Variants in ZNF385D observed in about 807,000 individuals in gnomAD.
ZNF385D encodes the protein zinc finger protein 659.
ZNF385D carries 15 observed loss-of-function variants against 35.8 expected under a neutral mutation model. The observed-to-expected ratio is 0.42, with a 90% CI of 0.28 to 0.64. ZNF385D has a LOEUF of 0.64. ZNF385D is among the 30% of genes least tolerant of loss of function. The pLI is 0.23. For missense variants in ZNF385D, 474 were observed against 494.6 expected, an observed-to-expected ratio of 0.96 and a Z score of 0.39; for synonymous variants, 212 against 186.8, an observed-to-expected ratio of 1.13 and a Z score of -1.10.
rs73819942 is a variant in ZNF385D at position 21,668,732 on chromosome 3, A to G, written c.23-3704T>C. Among the ~76,000 whole-genome samples the G allele has an allele frequency of 5.1e-3, 782 of 152,340 alleles. 3 individuals carry two copies. The highest frequency in any genetic ancestry group is 0.018 in the African/African-American group (751 of 41,574). On this transcript the variant is annotated intron_variant, in intron 1 of 7. Transcript: ENST00000281523. ...TCTGTACTTGCTCAGCAACAAGAAT[A>G]CTATTTGCAAATAGTGCAAAATCAA...
chr3:21,600,178 C>A (rs1346605067), intron 2 of ZNF385D, among the ~76,000 whole-genome samples: 2 of 152,078 alleles, frequency 1.3e-5, no homozygotes, highest in Non-Finnish European at 2.9e-5. Context: ...AAGAAATAAC[C>A]ATAAAAATGG....
At chr3:21,808,317 G>A (rs537103263) in intron 3 of ZNF385D, among the ~76,000 whole-genome samples, 1 of 152,308 alleles carries the variant, frequency 6.6e-6, no homozygotes, top group African/African-American at 2.4e-5. Context: ...AAAGAGACCT[G>A]TAGTATAACA....
intron 3 of ZNF385D, among the ~76,000 whole-genome samples, chr3:22,116,721 T>C (rs552966604): frequency 7.7e-4 from 117 of 152,176 alleles, no homozygotes; most frequent in African/African-American, 2.8e-3. Flanking sequence ...ACCTTAAATG[T>C]AATGCAAAAT....
chr3:22,103,325 AAC>A (rs1474583884), intron 3 of ZNF385D, among the ~76,000 whole-genome samples: 1 of 151,994 alleles, frequency 6.6e-6, no homozygotes, highest in Non-Finnish European at 1.5e-5. Flanking sequence ...TTTTGCCTGA[AAC>A]ACAGTAATTT....
chr3:21,816,883 C>T (rs879198474), intron 3 of ZNF385D, among the ~76,000 whole-genome samples: 1 of 152,162 alleles, frequency 6.6e-6, no homozygotes, highest in Non-Finnish European at 1.5e-5. Flanking sequence ...CAAGACAATC[C>T]TAAGCCAAAA....
chr3:21,699,558 A>T (rs1372537032), intron 1 of ZNF385D, among the ~76,000 whole-genome samples: 1 of 152,178 alleles, frequency 6.6e-6, no homozygotes, highest in Non-Finnish European at 1.5e-5. Flanking sequence ...AGTGAGATGC[A>T]TTCTACATGT....
intron 1 of ZNF385D, among the ~76,000 whole-genome samples, chr3:21,736,479 C>T (rs951764325): frequency 8.5e-5 from 13 of 152,088 alleles, no homozygotes; most frequent in African/African-American, 2.9e-4. Context: ...AATTTCTAAC[C>T]GTATTTAAAA....
At position 21,664,947 on chromosome 3, in the gene ZNF385D, G is replaced by C; in HGVS notation, c.104C>G (p.Pro35Arg). 1 of 1,613,730 alleles carries C rather than the reference G, an allele frequency of 6.2e-7. No individual in the cohort carries two copies. Among genetic ancestry groups the C allele is most frequent in the Non-Finnish European group, 8.5e-7 (1 of 1,179,750 alleles). Residue 35 changes from proline to arginine, a missense_variant, in exon 2 of 8, where the codon CCA becomes CGA. Coordinates refer to ENST00000281523, the MANE Select transcript of ZNF385D (RefSeq NM_024697.3). The stretch of plus-strand genomic sequence containing the variant: ...AGTGTCAAGAGGAAAGGGAAGAAAT[G>C]GTTTAATATCCAGCGATGGTTGCAA... ...PPLQPSLDIK[P>R]FLPFPLDTAA...
At chr3:21,981,453 T>C (rs1226043797) in intron 3 of ZNF385D, among the ~76,000 whole-genome samples, 3 of 152,200 alleles carry the variant, frequency 2.0e-5, no homozygotes. Flanking sequence ...TCCTTATAGA[T>C]GCTGGATGTT....
At chr3:21,813,492 T>C (rs1328142386) in intron 3 of ZNF385D, among the ~76,000 whole-genome samples, 2 of 152,130 alleles carry the variant, frequency 1.3e-5, no homozygotes, top group Non-Finnish European at 2.9e-5. Flanking sequence ...ATCAACAGTG[T>C]ACAGAAGACC....
chr3:22,305,215 A>G (rs1703138273), intron 2 of ZNF385D, among the ~76,000 whole-genome samples: 1 of 152,062 alleles, frequency 6.6e-6, no homozygotes, highest in South Asian at 2.1e-4. Flanking sequence ...TGTATATGTA[A>G]TCCTATTTCT....
At chr3:22,150,476 T>A (rs910737381) in intron 3 of ZNF385D, among the ~76,000 whole-genome samples, 2 of 152,006 alleles carry the variant, frequency 1.3e-5, no homozygotes, top group Admixed American at 6.6e-5. Flanking sequence ...ACCCTTCAGA[T>A]CAACAATTAA....
chr3:21,810,348 C>T (rs535849237), intron 3 of ZNF385D, among the ~76,000 whole-genome samples: 65 of 147,864 alleles, frequency 4.4e-4, no homozygotes, highest in African/African-American at 1.2e-3. Flanking sequence ...TTAAAAAAAA[C>T]TATACATGTG....
chr3:21,568,641 A>G (rs2125666612), intron 2 of ZNF385D, among the ~76,000 whole-genome samples: 1 of 152,326 alleles, frequency 6.6e-6, no homozygotes, highest in South Asian at 2.1e-4. Flanking sequence ...AGCACACAAC[A>G]GAATATTACA....
intron 3 of ZNF385D, among the ~76,000 whole-genome samples, chr3:22,045,784 A>G (rs1211949603): frequency 1.3e-5 from 2 of 151,990 alleles, no homozygotes; most frequent in East Asian, 1.9e-4. Flanking sequence ...GCCTGGCGAC[A>G]CTAAGATCAT....
chr3:22,261,267 T>C (rs1700616486), intron 2 of ZNF385D, among the ~76,000 whole-genome samples: 1 of 151,912 alleles, frequency 6.6e-6, no homozygotes, highest in African/African-American at 2.4e-5. Flanking sequence ...GAGAACCAGC[T>C]AGACAGACTG....
At chr3:21,954,840 A>G (rs1228736586) in intron 3 of ZNF385D, among the ~76,000 whole-genome samples, 1 of 151,986 alleles carries the variant, frequency 6.6e-6, no homozygotes, top group Non-Finnish European at 1.5e-5. Context: ...GCATCATATC[A>G]CAGCAACCAC....
chr3:21,941,588 C>T (rs940442541), intron 3 of ZNF385D, among the ~76,000 whole-genome samples: 1 of 149,584 alleles, frequency 6.7e-6, no homozygotes, highest in East Asian at 2.0e-4. Flanking sequence ...ACCTCCGCCT[C>T]CCGGGTTCAC....
In ZNF385D at chr3:22,070,082, G is replaced by T. The variant is rs73822845; in HGVS notation, c.325+98735C>A. ...TGACATTGAAAATGGCCCTTTCCTA[G>T]AATTAAAAACACATTAATTTCCTAT... On this transcript the variant is annotated intron_variant, in intron 3 of 5. Coordinates refer to the ZNF385D transcript ENST00000494108. Among the ~76,000 whole-genome samples, 1,045 of 152,152 alleles carry T rather than the reference G, an allele frequency of 6.9e-3. 17 individuals are homozygous for T. Among genetic ancestry groups the T allele is most frequent in the African/African-American group, 0.024 (999 of 41,502 alleles).
Sources: gnomAD v4.1 joint callset for allele counts (sites outside exome capture counted in the v4.1 genomes callset) on GRCh38, gnomAD v4.1.1 for gene constraint, MANE v1.5 for transcripts, NCBI Gene and HGNC (gene_info 2026-07-23, HGNC 2026-07-21) for gene names.